The following ZCWPW2 variants were observed in gnomAD, a reference collection of about 807,000 sequenced individuals.
ZCWPW2 encodes zinc finger CW-type PWWP domain protein 2.
In ZCWPW2, 45 loss-of-function variants were observed where a neutral mutation model predicts 46.6. That is an observed-to-expected ratio of 0.96 (90% CI 0.76 to 1.24). ZCWPW2 has a LOEUF of 1.24. Among genes scored for constraint, ZCWPW2 ranks in the 50% most tolerant of loss-of-function variants. The pLI, the probability that ZCWPW2 is intolerant of heterozygous loss-of-function variation, is 0.00. For synonymous variants in ZCWPW2, 152 were observed against 137.1 expected (o/e 1.11, Z -0.76); for missense variants, 429 against 403.9 (o/e 1.06, Z -0.53).
chr3:28,497,452 A>T (rs886474724), intron 6 of ZCWPW2, among the ~76,000 whole-genome samples: 5 of 152,070 alleles, frequency 3.3e-5, no homozygotes, highest in African/African-American at 1.2e-4. Context: ...GATGTTTTCA[A>T]ATTCCCGGTG....
At chr3:28,483,695 T>G (rs777445548) in intron 5 of ZCWPW2, among the ~76,000 whole-genome samples, 2 of 152,188 alleles carry the variant, frequency 1.3e-5, no homozygotes, top group African/African-American at 4.8e-5. Context: ...ATTTAGATCT[T>G]GTATTTCTTT....
intron 4 of ZCWPW2, among the ~76,000 whole-genome samples, chr3:28,447,549 T>C (rs909244969): frequency 6.6e-6 from 1 of 152,020 alleles, no homozygotes; most frequent in Non-Finnish European, 1.5e-5. Context: ...TGGCAAACAT[T>C]ATATTCAAAG....
intron 1 of ZCWPW2, among the ~76,000 whole-genome samples, chr3:28,380,961 T>TG (rs1695042362): frequency 1.8e-5 from 1 of 55,404 alleles, no homozygotes; most frequent in Admixed American, 2.2e-4. Context: ...TATATATATA[T>TG]ATATATATAT....
intron 1 of ZCWPW2, among the ~76,000 whole-genome samples, chr3:28,383,250 G>A (rs1695162698): frequency 6.6e-6 from 1 of 151,898 alleles, no homozygotes; most frequent in African/African-American, 2.4e-5. Flanking sequence ...AAGAACCTAT[G>A]CAAATAGTAC....
intron 3 of ZCWPW2, among the ~76,000 whole-genome samples, chr3:28,417,498 T>C (rs368445052): frequency 5.9e-4 from 89 of 151,112 alleles, no homozygotes; most frequent in East Asian, 1.8e-3. Flanking sequence ...AGAGGGAATC[T>C]TCCCTAACTC....
intron 1 of ZCWPW2, among the ~76,000 whole-genome samples, chr3:28,376,490 A>G (rs2125706208): frequency 6.6e-6 from 1 of 152,232 alleles, no homozygotes; most frequent in South Asian, 2.1e-4. Context: ...TTACAGTACT[A>G]GAGTTCGCGG....
At chr3:28,402,030 A>G (rs1695963980) in intron 2 of ZCWPW2, among the ~76,000 whole-genome samples, 1 of 151,420 alleles carries the variant, frequency 6.6e-6, no homozygotes, top group South Asian at 2.1e-4. Context: ...GAAATAAGAA[A>G]AAAACCCAAA....
chr3:28,442,488 C>T lies in ZCWPW2; in HGVS notation c.492+7219C>T, dbSNP rs904952774. The stretch of plus-strand genomic sequence containing the variant: ...TGTGATATCTCATGGAAGTGAAAAG[C>T]GATCAAGGTCTCTTGAATAAGATTA... On this transcript the variant is annotated intron_variant, in intron 4 of 9. Coordinates refer to ENST00000383768, the MANE Select transcript of ZCWPW2 (RefSeq NM_001040432.4). Among the ~76,000 whole-genome samples the T allele has an allele frequency of 3.5e-4, 53 of 152,242 alleles. 1 individual carries two copies. Among genetic ancestry groups the T allele is most frequent in the African/African-American group, 1.1e-3 (46 of 41,522 alleles).
intron 4 of ZCWPW2, among the ~76,000 whole-genome samples, chr3:28,443,034 G>A (rs753208432): frequency 7.9e-5 from 12 of 152,136 alleles, no homozygotes; most frequent in Non-Finnish European, 1.2e-4. Flanking sequence ...ATGTCTATGC[G>A]AATTATGCAT....
At chr3:28,383,257 G>A (rs1304883544) in intron 1 of ZCWPW2, among the ~76,000 whole-genome samples, 1 of 152,032 alleles carries the variant, frequency 6.6e-6, no homozygotes, top group Non-Finnish European at 1.5e-5. Context: ...TATGCAAATA[G>A]TACCAAAGCA....
chr3:28,459,441 A>T (rs1236507529), intron 4 of ZCWPW2, among the ~76,000 whole-genome samples: 1 of 152,168 alleles, frequency 6.6e-6, no homozygotes, highest in East Asian at 1.9e-4. Context: ...CTCAAGAACC[A>T]CTGTATAGCA....
At chr3:28,388,225 G>C (rs146222089) in intron 1 of ZCWPW2, among the ~76,000 whole-genome samples, 2 of 152,040 alleles carry the variant, frequency 1.3e-5, no homozygotes, top group Non-Finnish European at 1.5e-5. Flanking sequence ...TGCTAATCTC[G>C]TCCAAAAACA....
intron 4 of ZCWPW2, among the ~76,000 whole-genome samples, chr3:28,442,563 T>C (rs1272928911): frequency 1.3e-5 from 2 of 152,154 alleles, no homozygotes; most frequent in African/African-American, 4.8e-5. Flanking sequence ...ACAGTAAAAG[T>C]ATATTACTGG....
At chr3:28,497,130 G>T (rs1167798221) in intron 6 of ZCWPW2, among the ~76,000 whole-genome samples, 2 of 150,148 alleles carry the variant, frequency 1.3e-5, no homozygotes, top group East Asian at 3.9e-4. Context: ...AGGGTGAGAG[G>T]CTCTAGAATC....
In ZCWPW2 at chr3:28,457,421, T is replaced by G. The variant is rs931347697; in HGVS notation, c.493-21393T>G. Among the ~76,000 whole-genome samples the G allele has an allele frequency of 3.3e-5, 5 of 152,302 alleles. No homozygotes were observed. In the South Asian group the frequency reaches 1.0e-3, roughly 32 times the overall value. On this transcript the variant is annotated intron_variant, in intron 4 of 9. Transcript: ENST00000383768. ...AGTAGAAAATAGCATCCAAGTATAC[T>G]AACATTTTTTTAGGTTCAGGTCTTG... is the stretch of plus-strand genomic sequence containing the variant.
intron 1 of ZCWPW2, among the ~76,000 whole-genome samples, chr3:28,351,189 A>C (rs1472614870): frequency 6.7e-6 from 1 of 150,102 alleles, no homozygotes; most frequent in Non-Finnish European, 1.5e-5. Context: ...TGAATTGAAC[A>C]CTCTTGACAC....
intron 1 of ZCWPW2, among the ~76,000 whole-genome samples, chr3:28,385,099 A>T (rs943964658): frequency 6.6e-6 from 1 of 152,234 alleles, no homozygotes; most frequent in Non-Finnish European, 1.5e-5. Flanking sequence ...TTTGGGGGAC[A>T]TATTAAGATG....
At chr3:28,423,948 T>C (rs1367872882) in intron 3 of ZCWPW2, among the ~76,000 whole-genome samples, 2 of 152,124 alleles carry the variant, frequency 1.3e-5, no homozygotes, top group Non-Finnish European at 2.9e-5. Context: ...GTGGGTAGCT[T>C]ACCACTTAGT....
chr3:28,445,106 A>C (rs1309508714), intron 4 of ZCWPW2, among the ~76,000 whole-genome samples: 1 of 151,646 alleles, frequency 6.6e-6, no homozygotes, highest in Non-Finnish European at 1.5e-5. Flanking sequence ...CTGGTACCAA[A>C]ATCTATATTA....
Sources: allele counts gnomAD v4.1 joint callset (sites outside exome capture counted in the v4.1 genomes callset), GRCh38; gene constraint gnomAD v4.1.1; transcripts MANE v1.5; gene names NCBI Gene and HGNC (gene_info 2026-07-23, HGNC 2026-07-21).